Variants in ZNF236 observed in about 807,000 individuals in gnomAD.
ZNF236 encodes zinc finger protein 236, also known as regulated by glucose.
ZNF236 carries 50 observed loss-of-function variants against 191.2 expected under a neutral mutation model. That is an observed-to-expected ratio of 0.26 (90% CI 0.21 to 0.33). The LOEUF is 0.33. Among genes scored for constraint, ZNF236 ranks in the 10% least tolerant of loss-of-function variants. The probability of loss-of-function intolerance (pLI) is 1.00; values close to 1 mark genes in which losing one functional copy is unlikely to be tolerated. For synonymous variants in ZNF236, 907 were observed against 928.8 expected, an observed-to-expected ratio of 0.98 and a Z score of 0.43; for missense variants, 1,754 against 2,374.5, an observed-to-expected ratio of 0.74 and a Z score of 5.43.
chr18:76,870,965 G>A (rs1420399363), intron 4 of ZNF236, among the ~76,000 whole-genome samples: 8 of 152,162 alleles, frequency 5.3e-5, no homozygotes, highest in Non-Finnish European at 8.8e-5. Flanking sequence ...GGTGTCAAAA[G>A]CAGGGAGACC....
rs192461895 is a variant in ZNF236, at chr18:76,899,437, G to A, written c.1894+215G>A. Among the ~76,000 whole-genome samples, 51 of 152,282 alleles carry A rather than the reference G, an allele frequency of 3.3e-4. 2 individuals are homozygous for A. Among genetic ancestry groups the A allele is most frequent in the East Asian group, 3.1e-3 (16 of 5,188 alleles). On this transcript the variant is annotated intron_variant, in intron 11 of 30. Transcript: ENST00000320610. ...TTGTATCCAAACTACTGCTCAAATT[G>A]TTTTCTCGGATTAGAGACAAATAAT...
intron 20 of ZNF236, among the ~76,000 whole-genome samples, chr18:76,922,541 G>A (rs979903011): frequency 6.7e-6 from 1 of 150,176 alleles, no homozygotes; most frequent in African/African-American, 2.5e-5. Flanking sequence ...AGAGTTCTTG[G>A]GTTTTTTAAG....
At chr18:76,961,432 TC>T in intron 30 of ZNF236, among the ~76,000 whole-genome samples, 1 of 152,040 alleles carries the variant, frequency 6.6e-6, no homozygotes, top group East Asian at 1.9e-4. Context: ...TACCACAGTT[TC>T]TTTATCCACT....
At chr18:76,828,198 G>C (rs1232615158) in intron 1 of ZNF236, among the ~76,000 whole-genome samples, 1 of 150,010 alleles carries the variant, frequency 6.7e-6, no homozygotes, top group Admixed American at 6.7e-5. Flanking sequence ...ACAAGGTCTC[G>C]TTCTCTCACC....
At chr18:76,953,962 G>C (rs1205000331) in intron 27 of ZNF236, among the ~76,000 whole-genome samples, 1 of 152,142 alleles carries the variant, frequency 6.6e-6, no homozygotes, top group Non-Finnish European at 1.5e-5. Flanking sequence ...CCCCCATGCA[G>C]AATAACCTGC....
chr18:76,852,513 C>G (rs1172950101), intron 3 of ZNF236, among the ~76,000 whole-genome samples: 3 of 152,028 alleles, frequency 2.0e-5, no homozygotes, highest in Non-Finnish European at 4.4e-5. Flanking sequence ...AAATATGCTC[C>G]TCCTTCGTCA....
chr18:76,967,881 G>A (rs183663759), intron 30 of ZNF236, among the ~76,000 whole-genome samples: 4 of 152,244 alleles, frequency 2.6e-5, no homozygotes, highest in Admixed American at 1.3e-4. Context: ...TCTCTTTAAC[G>A]TCTACACTGT....
chr18:76,936,184 A>G (rs1013842245), intron 25 of ZNF236: 3 of 445,134 alleles, frequency 6.7e-6, no homozygotes, highest in South Asian at 1.6e-5. Context: ...TGGTTAGGCA[A>G]TAGCTTTTTG....
chr18:76,965,650 C>G (rs894697185), intron 30 of ZNF236, among the ~76,000 whole-genome samples: 1 of 152,186 alleles, frequency 6.6e-6, no homozygotes. Context: ...GTGATTGTTA[C>G]CTTTATTCTT....
chr18:76,939,420 A>T (rs1411634597), intron 26 of ZNF236, among the ~76,000 whole-genome samples: 1 of 152,266 alleles, frequency 6.6e-6, no homozygotes, highest in African/African-American at 2.4e-5. Context: ...AAGCATGATG[A>T]TTATGGTGGA....
At chr18:76,836,969 A>G (rs1356167409) in intron 1 of ZNF236, among the ~76,000 whole-genome samples, 1 of 151,606 alleles carries the variant, frequency 6.6e-6, no homozygotes, top group East Asian at 2.0e-4. Flanking sequence ...TTTGACTTCC[A>G]GGTTCAAGCA....
chr18:76,899,542 G>C (rs1977530228), intron 11 of ZNF236, among the ~76,000 whole-genome samples: 1 of 152,030 alleles, frequency 6.6e-6, no homozygotes, highest in Admixed American at 6.6e-5. Flanking sequence ...AGTGAGAAGG[G>C]GTTTTTATGT....
chr18:76,959,698 G>A lies in ZNF236; in HGVS notation c.5124G>A (p.Gln1708=). 3 of 1,612,116 alleles carry A rather than the reference G, an allele frequency of 1.9e-6. No individual in the cohort carries two copies. Among genetic ancestry groups the A allele is most frequent in the Non-Finnish European group, 2.5e-6 (3 of 1,178,846 alleles). ...GTGTTGTCTCCCAGGAGCACATGCA[G>A]ACACACCAGGCCGGCCCCTCTTTGA... ...KRATHLKEHM[Q]THQAGPSLSS... is the part of the protein sequence containing the mutation. The change falls in exon 29 of 31, where the codon CAG becomes CAA. Residue 1708 remains glutamine (Q), a synonymous_variant. Transcript: ENST00000320610.
chr18:76,898,516 G>A (rs758428672), intron 10 of ZNF236, among the ~76,000 whole-genome samples: 3 of 152,238 alleles, frequency 2.0e-5, no homozygotes, highest in Non-Finnish European at 4.4e-5. Context: ...GTGGGGCACA[G>A]TAGTAAGAGG....
rs1159206416 is a variant in ZNF236 at position 76,970,411 on chromosome 18, GTGTC to G, written c.*2074_*2077del. ...AAGAAAATATCAATAATTCAATTTT[GTGTC>G]TTTTCTCAATTTATTAGCAAACACA... On this transcript the variant is annotated 3_prime_UTR_variant, in exon 31 of 31. Transcript: ENST00000320610. The G allele has an allele frequency of 1.3e-5, 2 of 152,504 alleles. No individual in the cohort carries two copies. Among genetic ancestry groups the G allele is most frequent in the African/African-American group, 4.8e-5 (2 of 41,436 alleles). 9.4% of individuals were successfully genotyped at this position (152,504 alleles called of 1,614,324 possible).
rs867433171 is a variant in ZNF236, at chr18:76,960,846, A to G, written c.5410A>G (p.Ser1804Gly). Residue 1804 changes from serine to glycine, a missense_variant, in exon 30 of 31, where the codon AGC becomes GGC. By Grantham distance (56) the Ser-to-Gly change is moderately conservative (BLOSUM62 0). Transcript: ENST00000320610. This position sits in a 1 kb window ranked among gnomAD's most constrained non-coding sequence, Gnocchi z 4.4. ...NMKLHMKRAH[S>G]YAGALQESAG... ...GAAGCTGCACATGAAGCGGGCGCACAGCTATGCTGGTGAGAATGCTGCACC... is the reference window on the plus strand; with the variant it reads ...GAAGCTGCACATGAAGCGGGCGCACGGCTATGCTGGTGAGAATGCTGCACC... 4.3e-6 allele frequency: 7 copies of G among 1,612,238 alleles called. No individual in the cohort carries two copies. In the African/African-American group the frequency reaches 9.3e-5, roughly 22 times the overall value.
At chr18:76,955,551 A>G (rs1269510256) in intron 27 of ZNF236, among the ~76,000 whole-genome samples, 1 of 152,140 alleles carries the variant, frequency 6.6e-6, no homozygotes, top group African/African-American at 2.4e-5. Flanking sequence ...AGCTAGAAAC[A>G]CTTTTTGTTG....
At chr18:76,953,273 G>A (rs984306219) in intron 27 of ZNF236, among the ~76,000 whole-genome samples, 3 of 152,174 alleles carry the variant, frequency 2.0e-5, no homozygotes, top group African/African-American at 2.4e-5. Flanking sequence ...GAGGGGAGCC[G>A]CTGCAGCAAA....
intron 26 of ZNF236, among the ~76,000 whole-genome samples, chr18:76,944,937 A>T (rs1261040884): frequency 6.6e-6 from 1 of 152,216 alleles, no homozygotes; most frequent in Non-Finnish European, 1.5e-5. Flanking sequence ...GAGATTCCAC[A>T]TACACTTACC....
Sources: allele counts gnomAD v4.1 joint callset (sites outside exome capture counted in the v4.1 genomes callset), GRCh38; gene constraint gnomAD v4.1.1; non-coding constraint Gnocchi (gnomAD v3.1); transcripts MANE v1.5; gene names NCBI Gene and HGNC (gene_info 2026-07-23, HGNC 2026-07-21).